The following NDRG2 variants were observed in gnomAD, a reference collection of about 807,000 sequenced individuals.
NDRG2 encodes protein NDRG2.
In NDRG2, 34 loss-of-function variants were observed where a neutral mutation model predicts 58.2. The ratio of observed to expected loss-of-function variants is 0.58; its 90% CI spans 0.44 to 0.78. The LOEUF (loss-of-function observed/expected upper bound fraction) is 0.78. Among genes scored for constraint, NDRG2 ranks in the 30% least tolerant of loss-of-function variants. NDRG2 has a pLI of 0.00. For missense variants in NDRG2, 434 were observed against 471.2 expected, an observed-to-expected ratio of 0.92 and a Z score of 0.73; for synonymous variants, 187 against 175.9, an observed-to-expected ratio of 1.06 and a Z score of -0.50.
upstream of NDRG2, chr14:21,030,666 A>G (rs764259293): frequency 6.8e-6 from 11 of 1,614,142 alleles, no homozygotes; most frequent in Middle Eastern, 3.3e-4. Flanking sequence ...GAACAACAAG[A>G]ACTTCTCCAA....
rs1294996400 is a variant in NDRG2 at position 21,024,273 on chromosome 14, C to T, written c.-250G>A. 9 of 985,282 alleles carry T rather than the reference C, an allele frequency of 9.1e-6. No individual in the cohort carries two copies. The highest frequency in any genetic ancestry group is 1.7e-5 in the African/African-American group (1 of 57,174). The allele number at this position is 985,282 out of a possible 1,614,324, so 61.0% of individuals were successfully genotyped here. A position where few individuals can be genotyped will look rare whatever the true frequency, so the allele number is the denominator to read the frequency against. On this transcript the variant is annotated 5_prime_UTR_variant, in exon 1 of 16. Coordinates refer to ENST00000556147, the MANE Select transcript of NDRG2 (RefSeq NM_001320329.2). ...AGAACACGTCCTCTCTAGGCTCGAGCCGGAATCAATATAGGCTACAAGGGC... is the reference window on the plus strand; with the variant it reads ...AGAACACGTCCTCTCTAGGCTCGAGTCGGAATCAATATAGGCTACAAGGGC...
At position 21,024,238 on chromosome 14, in the gene NDRG2, C is replaced by T. The variant is rs2139008062; in HGVS notation, c.-215G>A. 1 of 985,486 alleles carries T rather than the reference C, an allele frequency of 1.0e-6. No homozygotes were observed. Among genetic ancestry groups the T allele is most frequent in the Non-Finnish European group, 1.2e-6 (1 of 830,020 alleles). The allele number at this position is 985,486 out of a possible 1,614,324, so 61.0% of individuals were successfully genotyped here. ...AACCCTCCCCAGTGTCTGTCTACCC[C>T]TAAGTCCAGAGAACACGTCCTCTCT... On this transcript the variant is annotated 5_prime_UTR_variant, in exon 1 of 16. Coordinates refer to ENST00000556147, the MANE Select transcript of NDRG2 (RefSeq NM_001320329.2).
intron 1 of NDRG2, among the ~76,000 whole-genome samples, chr14:21,052,522 G>C (rs1410508786): frequency 6.6e-6 from 1 of 152,080 alleles, no homozygotes; most frequent in African/African-American, 2.4e-5. Context: ...CAGAAGCAAA[G>C]CTGAAGAGAG....
chr14:21,022,726 G>A, intron 3 of NDRG2, 138 bp downstream of exon 3: 1 of 775,822 alleles, frequency 1.3e-6, no homozygotes, highest in Non-Finnish European at 2.1e-6. Flanking sequence ...GAAGGAGAGG[G>A]GAGAGATAGG....
chr14:21,066,588 T>C (rs2319623), intron 1 of NDRG2, among the ~76,000 whole-genome samples: 139,919 of 152,126 alleles, frequency 0.92, 64,497 homozygotes, highest in African/African-American at 0.96. Flanking sequence ...CCTGCCTCGG[T>C]CTCCCAAAGT....
At chr14:21,034,583 T>A (rs535303754) in intron 1 of NDRG2, 1 of 342,348 alleles carries the variant, frequency 2.9e-6, no homozygotes, top group South Asian at 9.0e-5. Context: ...TGAGAGACTC[T>A]TCCCAAGAGT....
intron 1 of NDRG2, chr14:21,033,235 T>A: frequency 3.1e-6 from 1 of 327,802 alleles, no homozygotes; most frequent in South Asian, 2.4e-5. Flanking sequence ...AGGACAGTTA[T>A]ATGAAGGGAG....
rs143881017 is a variant in NDRG2 at position 21,033,870 on chromosome 14, C to T, written c.25-10549G>A. 388 of 1,613,988 alleles carry T rather than the reference C, an allele frequency of 2.4e-4. No individual in the cohort carries two copies. In the East Asian group the frequency reaches 7.3e-3, roughly 30 times the overall value. On this transcript the variant is annotated intron_variant, in intron 1 of 14. Coordinates refer to the NDRG2 transcript ENST00000403829. ...ACCTATTGGATCAGCTTCATACTTG[C>T]GGGAGCAGAGTAGGTAGAGCTTCTG...
chr14:21,034,417 T>C, intron 1 of NDRG2: 1 of 693,360 alleles, frequency 1.4e-6, no homozygotes, highest in Admixed American at 2.9e-5. Context: ...CATAACCAAG[T>C]TCTCATGACC....
intron 1 of NDRG2, among the ~76,000 whole-genome samples, chr14:21,049,988 G>A (rs901437601): frequency 6.6e-6 from 1 of 152,176 alleles, no homozygotes; most frequent in Middle Eastern, 3.4e-3. Flanking sequence ...TGTTGGTCAG[G>A]CTGCTCTTGA....
At chr14:21,018,183 A>G (rs1230692173) in intron 14 of NDRG2, 21 bp downstream of exon 14, 2 of 1,613,500 alleles carry the variant, frequency 1.2e-6, no homozygotes, top group South Asian at 1.1e-5. Context: ...TCCCCATCCC[A>G]TGGACGGCAG....
chr14:21,047,371 T>A (rs529124121), intron 1 of NDRG2, among the ~76,000 whole-genome samples: 1 of 152,308 alleles, frequency 6.6e-6, no homozygotes, highest in African/African-American at 2.4e-5. Flanking sequence ...CCAAATGGCC[T>A]GGCCTATTCT....
intron 1 of NDRG2, chr14:21,058,506 G>GT (rs1222174562): frequency 6.4e-6 from 4 of 624,730 alleles, no homozygotes; most frequent in African/African-American, 3.7e-5. Flanking sequence ...TTCTTAGGGA[G>GT]TTTTACAGAC....
At chr14:21,019,234 T>C in intron 10 of NDRG2, 74 bp from the exon 11 acceptor site, 5 of 1,325,648 alleles carry the variant, frequency 3.8e-6, no homozygotes, top group Non-Finnish European at 4.2e-6. Context: ...ATCTCTCCCA[T>C]GATGGAACTA....
intron 1 of NDRG2, among the ~76,000 whole-genome samples, chr14:21,047,477 T>C (rs537629071): frequency 6.6e-6 from 1 of 152,324 alleles, no homozygotes; most frequent in Non-Finnish European, 1.5e-5. Context: ...AGTGATGAAA[T>C]AGGAATTTGA....
rs1378821272 is a variant in NDRG2 at position 21,018,001 on chromosome 14, T to C, written c.935A>G (p.Gln312Arg). 1 of 1,614,186 alleles carries C rather than the reference T, an allele frequency of 6.2e-7. No individual in the cohort carries two copies. Among genetic ancestry groups the C allele is most frequent in the East Asian group, 2.2e-5 (1 of 44,876 alleles). ...CCGATACTCACTGTAGCCCATGCCT[T>C]GCAGGAAGTACTTGAAGGCCTCGGT... ...KLTEAFKYFL[Q>R]GMGYMASSCM... Residue 312 changes from glutamine to arginine, a missense_variant, in exon 15 of 16, where the codon CAA becomes CGA. Coordinates refer to ENST00000556147, the MANE Select transcript of NDRG2 (RefSeq NM_001320329.2).
Position 21,018,437 on chromosome 14 carries a change from C to T in NDRG2, c.861+20G>A, listed in dbSNP as rs767852203. 2.5e-6 allele frequency: 4 copies of T among 1,613,246 alleles called. No individual in the cohort carries two copies. Among genetic ancestry groups the T allele is most frequent in the Non-Finnish European group, 3.4e-6 (4 of 1,179,656 alleles). ...GAGGATATATGACTGTGGACGGGGGCCCAGGAACAGGTTACTGACCTTGAG... is the reference window on the plus strand; with the variant it reads ...GAGGATATATGACTGTGGACGGGGGTCCAGGAACAGGTTACTGACCTTGAG... On this transcript the variant is annotated intron_variant, in intron 13 of 15. Transcript: ENST00000556147.
intron 13 of NDRG2, 54 bp from the exon 14 acceptor site, chr14:21,018,293 CAG>C: frequency 6.2e-7 from 1 of 1,611,982 alleles, no homozygotes; most frequent in Non-Finnish European, 8.5e-7. Flanking sequence ...ATGAGCCATG[CAG>C]AGAGGTGGAA....
At chr14:21,069,753 G>A (rs1886528014) in intron 1 of NDRG2, among the ~76,000 whole-genome samples, 1 of 152,132 alleles carries the variant, frequency 6.6e-6, no homozygotes, top group South Asian at 2.1e-4. Flanking sequence ...TGATTTCCCG[G>A]CCCTCCGCTC....
Sources: gnomAD v4.1 joint callset for allele counts (sites outside exome capture counted in the v4.1 genomes callset) on GRCh38, gnomAD v4.1.1 for gene constraint, MANE v1.5 for transcripts, NCBI Gene and HGNC (gene_info 2026-07-23, HGNC 2026-07-21) for gene names.